The following PPM1B variants were observed in gnomAD, a reference collection of about 807,000 sequenced individuals.
PPM1B encodes the protein protein phosphatase 1B.
Under a neutral mutation model 43.0 loss-of-function variants are expected in PPM1B, and 22 were observed. The ratio of observed to expected loss-of-function variants is 0.51; its 90% CI spans 0.37 to 0.73. PPM1B has a LOEUF of 0.73. Among genes scored for constraint, PPM1B ranks in the 30% least tolerant of loss-of-function variants. The pLI is 0.00. For synonymous variants in PPM1B, 217 were observed against 197.9 expected, an observed-to-expected ratio of 1.10 and a Z score of -0.81; for missense variants, 632 against 584.2, an observed-to-expected ratio of 1.08 and a Z score of -0.84.
chr2:44,222,888 T>C (rs144369923), intron 5 of PPM1B, among the ~76,000 whole-genome samples: 15 of 152,348 alleles, frequency 9.8e-5, no homozygotes, highest in African/African-American at 3.6e-4. Context: ...TGGAGTGCTA[T>C]GGCACCATCA....
chr2:44,197,563 A>C (rs1258610670), intron 1 of PPM1B, among the ~76,000 whole-genome samples: 1 of 152,236 alleles, frequency 6.6e-6, no homozygotes, highest in Non-Finnish European at 1.5e-5. Context: ...GTATCCAGTC[A>C]GGGATATGAC....
chr2:44,225,603 T>C (rs1339736745), intron 5 of PPM1B, among the ~76,000 whole-genome samples: 1 of 152,252 alleles, frequency 6.6e-6, no homozygotes, highest in Non-Finnish European at 1.5e-5. Context: ...TGTCAGCCAT[T>C]GCAAATCCGT....
chr2:44,193,384 C>T (rs1362410203), intron 1 of PPM1B, among the ~76,000 whole-genome samples: 1 of 151,780 alleles, frequency 6.6e-6, no homozygotes, highest in Non-Finnish European at 1.5e-5. Context: ...ACTTTTCTTT[C>T]CTCTGAATTT....
At position 44,209,319 on chromosome 2, in the gene PPM1B, G is replaced by A. The variant is rs74261788; in HGVS notation, c.956G>A (p.Arg319Gln). ...GAGTTGGATAAGCACTTGGAATCAC[G>A]GGTTGAAGGTAAGACAAATGCTTTT... ...DSELDKHLES[R>Q]VEEIMEKSGE... The change falls in exon 3 of 6, where the codon CGG becomes CAG. Residue 319 changes from arginine (R) to glutamine (Q), a missense_variant. By Grantham distance (43) the Arg-to-Gln change is conservative (BLOSUM62 1). Transcript: ENST00000282412. 6 of 1,613,764 alleles carry A rather than the reference G, an allele frequency of 3.7e-6. No homozygotes were observed. The highest frequency in any genetic ancestry group is 2.2e-5 in the East Asian group (1 of 44,876).
At chr2:44,196,360 G>A (rs1488289865) in intron 1 of PPM1B, among the ~76,000 whole-genome samples, 1 of 152,130 alleles carries the variant, frequency 6.6e-6, no homozygotes, top group Non-Finnish European at 1.5e-5. Flanking sequence ...CTTATGATTA[G>A]ACTGGGGTTA....
At chr2:44,181,316 G>T (rs1459990069) in intron 1 of PPM1B, among the ~76,000 whole-genome samples, 1 of 152,188 alleles carries the variant, frequency 6.6e-6, no homozygotes, top group Admixed American at 6.5e-5. Context: ...AAAACTGACT[G>T]TGAGGTGGGA....
intron 1 of PPM1B, among the ~76,000 whole-genome samples, chr2:44,197,944 C>T (rs1052643221): frequency 2.6e-5 from 4 of 152,200 alleles, no homozygotes; most frequent in African/African-American, 9.6e-5. Context: ...AACTTACTAG[C>T]CTTCAGAAAC....
chr2:44,223,087 C>T (rs1378884490), intron 5 of PPM1B, among the ~76,000 whole-genome samples: 1 of 152,198 alleles, frequency 6.6e-6, no homozygotes, highest in African/African-American at 2.4e-5. Flanking sequence ...CTACCTCAGC[C>T]TCCCAAAGTT....
At chr2:44,188,695 TTGCC>T (rs575517297) in intron 1 of PPM1B, among the ~76,000 whole-genome samples, 3 of 151,188 alleles carry the variant, frequency 2.0e-5, no homozygotes, top group Admixed American at 6.6e-5. Context: ...TATGCCCAGT[TTGCC>T]TGCCTGCCTG....
intron 1 of PPM1B, among the ~76,000 whole-genome samples, chr2:44,192,438 A>G (rs1414046846): frequency 6.6e-6 from 1 of 151,890 alleles, no homozygotes; most frequent in East Asian, 1.9e-4. Context: ...GTGGTCTCAA[A>G]CTCCTGACCT....
intron 5 of PPM1B, among the ~76,000 whole-genome samples, chr2:44,243,124 G>T (rs1386936386): frequency 6.6e-6 from 1 of 152,102 alleles, no homozygotes; most frequent in African/African-American, 2.4e-5. Flanking sequence ...TTGTTTCGAT[G>T]CCAGCTTTTC....
At chr2:44,183,511 T>G (rs1201921837) in intron 1 of PPM1B, among the ~76,000 whole-genome samples, 2 of 152,198 alleles carry the variant, frequency 1.3e-5, no homozygotes, top group Admixed American at 1.3e-4. Context: ...AGTTGTTAGG[T>G]AGGCCTGAAT....
At chr2:44,191,216 T>C (rs1318967998) in intron 1 of PPM1B, among the ~76,000 whole-genome samples, 1 of 152,176 alleles carries the variant, frequency 6.6e-6, no homozygotes, top group Non-Finnish European at 1.5e-5. Flanking sequence ...TTATTTGTTT[T>C]TGTTTTTGTT....
In PPM1B at chr2:44,201,235, A is replaced by G; in HGVS notation, c.36A>G (p.Lys12=). 1 of 1,606,220 alleles carries G rather than the reference A, an allele frequency of 6.2e-7. No individual in the cohort carries two copies. The highest frequency in any genetic ancestry group is 1.1e-5 in the South Asian group (1 of 89,754). The change falls in exon 2 of 6, where the codon AAA becomes AAG. Residue 12 remains lysine, a synonymous_variant. Transcript: ENST00000282412. The surrounding 1 kb of genome is among the most constrained non-coding windows in gnomAD (Gnocchi z 5.4). ...TTTTGGATAAACCCAAAACTGAAAA[A>G]CATAATGCTCATGGTGCTGGGAATG... ...GAFLDKPKTE[K]HNAHGAGNGL...
chr2:44,218,465 G>GT lies in PPM1B; in HGVS notation c.1077-3dup, dbSNP rs371826554. On this transcript the variant is annotated splice_polypyrimidine_tract_variant and intron_variant, in intron 4 of 5. Transcript: ENST00000282412. ...GTGTAATTTAATAAAACTAAAGCAT[G>GT]TTTTTTTTTTTTAGGCGTAATGTTA... is the stretch of plus-strand genomic sequence containing the variant. 0.13 allele frequency: 124,577 copies of GT among 995,874 alleles called. 17 individuals are homozygous for GT. The highest frequency in any genetic ancestry group is 0.13 in the Non-Finnish European group (94,721 of 717,454). 61.7% of individuals were successfully genotyped at this position (995,874 alleles called of 1,614,324 possible). A position where few individuals can be genotyped will look rare whatever the true frequency, so the allele number is the denominator to read the frequency against.
At chr2:44,169,646 G>A (rs73924220) in intron 1 of PPM1B, among the ~76,000 whole-genome samples, 3,151 of 152,330 alleles carry the variant, frequency 0.021, 112 homozygotes, top group African/African-American at 0.071. Context: ...TTCTCTTCCT[G>A]GTGCATGCCC....
chr2:44,209,305 G>T lies in PPM1B; in HGVS notation c.942G>T (p.Lys314Asn), dbSNP rs1164220625. The change falls in exon 3 of 6, where the codon AAG becomes AAT. Residue 314 changes from lysine to asparagine, a missense_variant. By Grantham distance (94) the Lys-to-Asn change is moderately conservative (BLOSUM62 0). This residue lies in a region of PPM1B where 392 missense variants were observed against 302.7 expected (regional missense o/e 1.29). Transcript: ENST00000282412. The stretch of plus-strand genomic sequence containing the variant: ...TGAAAAAAGATTCAGAGTTGGATAA[G>T]CACTTGGAATCACGGGTTGAAGGTA... Reference protein sequence around the residue: ...EAVKKDSELDKHLESRVEEIM... With the variant: ...EAVKKDSELDNHLESRVEEIM... 1.2e-6 allele frequency: 2 copies of T among 1,613,842 alleles called. No homozygotes were observed. Among genetic ancestry groups the T allele is most frequent in the African/African-American group, 1.3e-5 (1 of 74,882 alleles).
intron 1 of PPM1B, among the ~76,000 whole-genome samples, chr2:44,194,876 A>G (rs570587122): frequency 6.6e-6 from 1 of 151,650 alleles, no homozygotes; most frequent in East Asian, 1.9e-4. Context: ...CACTCTTTGC[A>G]AGATAGACCT....
intron 5 of PPM1B, among the ~76,000 whole-genome samples, chr2:44,223,504 A>G (rs1670066160): frequency 6.6e-6 from 1 of 152,118 alleles, no homozygotes; most frequent in Non-Finnish European, 1.5e-5. Context: ...GCTATGGAGA[A>G]GACCTATACT....
Sources: gnomAD v4.1 joint callset for allele counts (sites outside exome capture counted in the v4.1 genomes callset) on GRCh38, gnomAD v4.1.1 for gene constraint, gnomAD v4.1.1 regional missense constraint, Gnocchi (gnomAD v3.1) non-coding constraint, MANE v1.5 for transcripts, NCBI Gene and HGNC (gene_info 2026-07-23, HGNC 2026-07-21) for gene names.